IL1RAPL1: variants seen among roughly 807,000 people sequenced by gnomAD.
The protein encoded by IL1RAPL1 is interleukin 1 receptor accessory protein like 1, also known as interleukin-1 receptor accessory protein-like 1.
A neutral mutation model predicts 48.4 loss-of-function variants in IL1RAPL1; 3 were observed. The ratio of observed to expected loss-of-function variants is 0.06; its 90% CI spans 0.03 to 0.16. The LOEUF is 0.16. IL1RAPL1 is among the 10% of genes least tolerant of loss of function. The probability of loss-of-function intolerance (pLI) is 1.00; values close to 1 mark genes in which losing one functional copy is unlikely to be tolerated. For missense variants in IL1RAPL1, 349 were observed against 530.6 expected (o/e 0.66, Z 3.36); for synonymous variants, 185 against 187.7 (o/e 0.99, Z 0.12).
chrX:28,771,884 T>C (rs1365433701), intron 1 of IL1RAPL1, among the ~76,000 whole-genome samples: 2 of 99,276 alleles, frequency 2.0e-5, no homozygotes, highest in Admixed American at 1.1e-4. Context: ...TGAGCCGAGA[T>C]TGCGCCACTG....
intron 6 of IL1RAPL1, among the ~76,000 whole-genome samples, chrX:29,672,026 C>T (rs1926154866): frequency 8.9e-6 from 1 of 111,853 alleles, no homozygotes; most frequent in Non-Finnish European, 1.9e-5. Context: ...TTCTTACACT[C>T]TACATTATAA....
chrX:29,798,360 A>T (rs778794816), intron 6 of IL1RAPL1, among the ~76,000 whole-genome samples: 2 of 112,114 alleles, frequency 1.8e-5, no homozygotes, highest in South Asian at 7.5e-4. Flanking sequence ...ATAATTTGGA[A>T]TTCAAACATG....
rs746669325 is a variant in IL1RAPL1, at chrX:28,849,741, T to C, written c.82+60316T>C. 2.1e-4 allele frequency among the ~76,000 whole-genome samples: 24 copies of C among 111,920 alleles called. No individual in the cohort carries two copies. In the Admixed American group the frequency reaches 2.3e-3, roughly 11 times the overall value. On this transcript the variant is annotated intron_variant, in intron 2 of 10. Transcript: ENST00000378993. ...TATACTTACATTAGTACATAGGTGG[T>C]CTTTCTTGCTCATCTTTATCCCCTT...
chrX:28,650,926 G>A (rs1329550301), intron 1 of IL1RAPL1, among the ~76,000 whole-genome samples: 1 of 111,850 alleles, frequency 8.9e-6, no homozygotes, highest in Non-Finnish European at 1.9e-5. Context: ...TTCCTAATCT[G>A]AAAATCCAAA....
At chrX:28,590,510 G>A (rs975085597) in intron 1 of IL1RAPL1, among the ~76,000 whole-genome samples, 1 of 111,101 alleles carries the variant, frequency 9.0e-6, no homozygotes, top group Non-Finnish European at 1.9e-5. Flanking sequence ...TCATACTTCT[G>A]CAGGACATGC....
At chrX:29,438,314 C>A (rs778817019) in intron 5 of IL1RAPL1, among the ~76,000 whole-genome samples, 1 of 111,113 alleles carries the variant, frequency 9.0e-6, no homozygotes, top group Non-Finnish European at 1.9e-5. Context: ...TGTTATTGAT[C>A]TTTTCAAAGA....
intron 2 of IL1RAPL1, among the ~76,000 whole-genome samples, chrX:29,022,909 T>C (rs773028891): frequency 8.0e-5 from 9 of 112,383 alleles, no homozygotes; most frequent in Admixed American, 7.5e-4. Context: ...ATTCTTGTTA[T>C]TTAGAAACAA....
At chrX:28,818,975 A>G (rs1032003857) in intron 2 of IL1RAPL1, among the ~76,000 whole-genome samples, 1 of 110,697 alleles carries the variant, frequency 9.0e-6, no homozygotes, top group African/African-American at 3.3e-5. Context: ...TTTTAAAGCT[A>G]GATGTCATAG....
chrX:29,433,086 C>T (rs1394205017), intron 5 of IL1RAPL1, among the ~76,000 whole-genome samples: 1 of 109,894 alleles, frequency 9.1e-6, no homozygotes, highest in African/African-American at 3.3e-5. Flanking sequence ...TGTACTGCTG[C>T]CTTTTGGGGT....
At chrX:28,704,816 ACACACACACACAC>A (rs1935348425) in intron 1 of IL1RAPL1, among the ~76,000 whole-genome samples, 1 of 52,428 alleles carries the variant, frequency 1.9e-5, no homozygotes, top group Non-Finnish European at 3.4e-5. Context: ...ACACACACAC[ACACACACACACAC>A]ACAAAAAAAA....
At chrX:29,685,604 T>G (rs1454486333) in intron 6 of IL1RAPL1, among the ~76,000 whole-genome samples, 1 of 111,697 alleles carries the variant, frequency 9.0e-6, no homozygotes, top group East Asian at 2.8e-4. Context: ...TAATTTGCAA[T>G]TTTTCCTAAA....
intron 2 of IL1RAPL1, among the ~76,000 whole-genome samples, chrX:28,827,982 G>T (rs146012637): frequency 8.9e-6 from 1 of 111,776 alleles, no homozygotes; most frequent in African/African-American, 3.2e-5. Flanking sequence ...TGATTTGTAT[G>T]TGTCTCCACT....
chrX:29,918,492 C>T lies in IL1RAPL1; in HGVS notation c.911+896C>T, dbSNP rs1166987111. ...TGCACTGCAGCCTGGGCAACAAGAG[C>T]GAAACTCTGTCTCAAAAAAAAAAAA... is the stretch of plus-strand genomic sequence containing the variant. On this transcript the variant is annotated intron_variant, in intron 7 of 10. Transcript: ENST00000378993. Among the ~76,000 whole-genome samples the T allele has an allele frequency of 9.3e-5, 8 of 86,011 alleles. No individual in the cohort carries two copies. The East Asian group carries it at 2.1e-3, about 22-fold the overall frequency. The allele number at this position is 86,011 out of a possible 115,157, so 74.7% of individuals were successfully genotyped here.
At chrX:29,352,882 C>G (rs1401933411) in intron 3 of IL1RAPL1, among the ~76,000 whole-genome samples, 1 of 111,662 alleles carries the variant, frequency 9.0e-6, no homozygotes, top group African/African-American at 3.2e-5. Context: ...AGAAATAGAA[C>G]TTCCCTGTTA....
chrX:29,833,268 T>C (rs1930923076), intron 6 of IL1RAPL1, among the ~76,000 whole-genome samples: 1 of 111,877 alleles, frequency 8.9e-6, no homozygotes, highest in Admixed American at 9.5e-5. Flanking sequence ...CAATAGATGA[T>C]AGATGGGTAG....
intron 5 of IL1RAPL1, among the ~76,000 whole-genome samples, chrX:29,631,952 C>T: frequency 9.0e-6 from 1 of 111,467 alleles, no homozygotes; most frequent in South Asian, 3.8e-4. Context: ...CTTGATCTTT[C>T]CGAGAAATTA....
At chrX:28,721,553 A>C (rs1348987582) in intron 1 of IL1RAPL1, among the ~76,000 whole-genome samples, 2 of 110,292 alleles carry the variant, frequency 1.8e-5, no homozygotes, top group African/African-American at 6.6e-5. Flanking sequence ...TTGCCTGTGC[A>C]CTCTGATGGT....
At chrX:29,121,251 C>CA (rs1266236055) in intron 2 of IL1RAPL1, among the ~76,000 whole-genome samples, 7 of 111,573 alleles carry the variant, frequency 6.3e-5, no homozygotes, top group African/African-American at 2.3e-4. Flanking sequence ...AATAAAACAA[C>CA]AAAAAAAGAA....
intron 1 of IL1RAPL1, among the ~76,000 whole-genome samples, chrX:28,747,613 C>T (rs752349001): frequency 8.9e-6 from 1 of 112,080 alleles, no homozygotes; most frequent in African/African-American, 3.2e-5. Flanking sequence ...TGCATCCCGG[C>T]CTGGGCGACA....
Sources: gnomAD v4.1 joint callset for allele counts (sites outside exome capture counted in the v4.1 genomes callset) on GRCh38, gnomAD v4.1.1 for gene constraint, MANE v1.5 for transcripts, NCBI Gene and HGNC (gene_info 2026-07-23, HGNC 2026-07-21) for gene names.